The following PLCL1 variants were observed in gnomAD, a reference collection of about 807,000 sequenced individuals.
PLCL1 encodes the protein inactive phospholipase C-like protein 1.
PLCL1 carries 41 observed loss-of-function variants against 84.4 expected under a neutral mutation model. The observed-to-expected ratio is 0.49, with a 90% CI of 0.38 to 0.63. The LOEUF (loss-of-function observed/expected upper bound fraction) is 0.63. Ranked by LOEUF, PLCL1 falls within the 30% of genes least tolerant of loss-of-function variation. The pLI, the probability that PLCL1 is intolerant of heterozygous loss-of-function variation, is 0.00. For synonymous variants in PLCL1, 490 were observed against 488.3 expected (o/e 1.00, Z -0.05); for missense variants, 1,206 against 1,367.8 (o/e 0.88, Z 1.87).
chr2:197,888,974 A>G (rs1559036078), intron 1 of PLCL1, among the ~76,000 whole-genome samples: 1 of 152,204 alleles, frequency 6.6e-6, no homozygotes. Flanking sequence ...TCAAAATGTC[A>G]GTGGAAAAAT....
chr2:198,044,951 A>G (rs1229675332), intron 1 of PLCL1, among the ~76,000 whole-genome samples: 1 of 152,130 alleles, frequency 6.6e-6, no homozygotes, highest in African/African-American at 2.4e-5. Context: ...GAATTAGCAG[A>G]TAGCTTATTT....
rs189997453 is a variant in PLCL1 at position 198,119,425 on chromosome 2, C to T, written c.3105+15489C>T. On this transcript the variant is annotated intron_variant, in intron 5 of 5. Transcript: ENST00000428675. ...CTGTGATGGGGGCTTTGCTTACCTC[C>T]GTGTCTTCACATTTTATATTCTCCA... Among the ~76,000 whole-genome samples, 376 of 152,072 alleles carry T rather than the reference C, an allele frequency of 2.5e-3. 2 individuals are homozygous for T. Among genetic ancestry groups the T allele is most frequent in the African/African-American group, 8.3e-3 (344 of 41,530 alleles).
chr2:197,813,266 C>A (rs796116177), intron 1 of PLCL1, among the ~76,000 whole-genome samples: 1 of 152,260 alleles, frequency 6.6e-6, no homozygotes, highest in African/African-American at 2.4e-5. Flanking sequence ...CCTCTCTCTC[C>A]TTTGAAAGCT....
At chr2:198,021,397 C>T (rs181458317) in intron 1 of PLCL1, among the ~76,000 whole-genome samples, 154 of 152,068 alleles carry the variant, frequency 1.0e-3, no homozygotes, top group Admixed American at 3.5e-3. Context: ...TAACTAAGAT[C>T]AGAGCAGAAC....
intron 1 of PLCL1, among the ~76,000 whole-genome samples, chr2:197,836,323 T>C (rs896002531): frequency 2.6e-5 from 4 of 151,534 alleles, no homozygotes; most frequent in African/African-American, 9.7e-5. Flanking sequence ...GGTGGGCGCC[T>C]GTAGTCCCAG....
intron 1 of PLCL1, among the ~76,000 whole-genome samples, chr2:198,068,187 T>C (rs1225214238): frequency 1.3e-5 from 2 of 152,192 alleles, no homozygotes; most frequent in African/African-American, 2.4e-5. Flanking sequence ...TTAGTGGAAA[T>C]GCTGTTTTAA....
intron 1 of PLCL1, among the ~76,000 whole-genome samples, chr2:197,859,982 G>A (rs1040870500): frequency 8.6e-5 from 13 of 152,040 alleles, no homozygotes; most frequent in African/African-American, 2.9e-4. Flanking sequence ...CAGGTGTTCA[G>A]CCTAGTACCC....
In PLCL1 at chr2:198,038,171, G is replaced by C. The variant is rs745985523; in HGVS notation, c.241-45587G>C. Among the ~76,000 whole-genome samples the C allele has an allele frequency of 3.3e-5, 5 of 152,260 alleles. No homozygotes were observed. The South Asian group carries it at 1.0e-3, about 32-fold the overall frequency. ...AAAGGGCTTTTGTTCTAGAGAGAGA[G>C]AGAATTAAAGAGAAGACTTCACAAA... On this transcript the variant is annotated intron_variant, in intron 1 of 5. Transcript: ENST00000428675.
At chr2:198,044,820 A>G (rs1691749044) in intron 1 of PLCL1, among the ~76,000 whole-genome samples, 1 of 152,200 alleles carries the variant, frequency 6.6e-6, no homozygotes, top group East Asian at 1.9e-4. Flanking sequence ...ACTGAATCAT[A>G]TTAAACAACC....
chr2:198,083,224 A>G (rs1692765723), intron 1 of PLCL1, among the ~76,000 whole-genome samples: 1 of 152,182 alleles, frequency 6.6e-6, no homozygotes, highest in Admixed American at 6.5e-5. Flanking sequence ...TTAGCTCTCA[A>G]TTTGACTTTC....
At chr2:197,926,402 A>G (rs975679572) in intron 1 of PLCL1, among the ~76,000 whole-genome samples, 2 of 152,216 alleles carry the variant, frequency 1.3e-5, no homozygotes, top group Non-Finnish European at 2.9e-5. Flanking sequence ...CTATTCCCTT[A>G]GAACCTTTCC....
intron 1 of PLCL1, among the ~76,000 whole-genome samples, chr2:198,078,449 T>C (rs145736043): frequency 6.6e-6 from 1 of 152,318 alleles, no homozygotes; most frequent in South Asian, 2.1e-4. Context: ...GTTGTATATA[T>C]GAACAGATAG....
intron 1 of PLCL1, among the ~76,000 whole-genome samples, chr2:197,977,447 A>C (rs1279445517): frequency 1.3e-5 from 2 of 152,198 alleles, no homozygotes; most frequent in Non-Finnish European, 2.9e-5. Flanking sequence ...TTCTGGCTTC[A>C]TTGCAGTCTC....
chr2:197,941,500 C>T (rs895774285), intron 1 of PLCL1, among the ~76,000 whole-genome samples: 2 of 152,158 alleles, frequency 1.3e-5, no homozygotes, highest in Non-Finnish European at 2.9e-5. Flanking sequence ...CTATGTTTCC[C>T]AGGCTGGTCT....
chr2:198,105,997 A>T (rs958415611), intron 5 of PLCL1, among the ~76,000 whole-genome samples: 1 of 151,942 alleles, frequency 6.6e-6, no homozygotes, highest in Non-Finnish European at 1.5e-5. Flanking sequence ...CTACAAACAA[A>T]ATTAATAATT....
intron 1 of PLCL1, among the ~76,000 whole-genome samples, chr2:198,052,428 G>A (rs775524250): frequency 1.3e-5 from 2 of 152,024 alleles, no homozygotes; most frequent in Non-Finnish European, 1.5e-5. Context: ...TAAAAAGCAA[G>A]AGATAGCTTA....
chr2:197,900,184 C>G (rs1158302184), intron 1 of PLCL1, among the ~76,000 whole-genome samples: 2 of 152,322 alleles, frequency 1.3e-5, no homozygotes, highest in East Asian at 3.9e-4. Flanking sequence ...TGCTGTATTT[C>G]CAGCACTTAG....
intron 1 of PLCL1, among the ~76,000 whole-genome samples, chr2:197,925,715 C>T (rs1332487033): frequency 6.6e-6 from 1 of 152,086 alleles, no homozygotes; most frequent in Non-Finnish European, 1.5e-5. Context: ...TACAACTTTT[C>T]TCCATGCACT....
intron 5 of PLCL1, among the ~76,000 whole-genome samples, chr2:198,132,251 C>T (rs1694137780): frequency 6.6e-6 from 1 of 152,144 alleles, no homozygotes; most frequent in African/African-American, 2.4e-5. Flanking sequence ...CACACTTGGG[C>T]TGTGGTGAAT....
Sources: allele counts gnomAD v4.1 joint callset (sites outside exome capture counted in the v4.1 genomes callset), GRCh38; gene constraint gnomAD v4.1.1; transcripts MANE v1.5; gene names NCBI Gene and HGNC (gene_info 2026-07-23, HGNC 2026-07-21).